PRKN: variants seen among roughly 807,000 people sequenced by gnomAD.
PRKN encodes E3 ubiquitin-protein ligase parkin.
PRKN carries 56 observed loss-of-function variants against 59.5 expected under a neutral mutation model. That is an observed-to-expected ratio of 0.94 (90% CI 0.76 to 1.18). The LOEUF is 1.18. Among genes scored for constraint, PRKN ranks in the 50% most tolerant of loss-of-function variants. PRKN has a pLI of 0.00. For missense variants in PRKN, 657 were observed against 596.4 expected (o/e 1.10, Z -1.06); for synonymous variants, 250 against 222.1 (o/e 1.13, Z -1.12).
intron 6 of PRKN, among the ~76,000 whole-genome samples, chr6:161,866,131 G>A (rs1272227054): frequency 6.6e-6 from 1 of 152,094 alleles, no homozygotes; most frequent in Non-Finnish European, 1.5e-5. Context: ...TGGAGCAGTT[G>A]GAACACACAC....
intron 7 of PRKN, among the ~76,000 whole-genome samples, chr6:161,754,828 C>T (rs574854964): frequency 2.0e-4 from 30 of 152,316 alleles, no homozygotes; most frequent in African/African-American, 7.2e-4. Context: ...TGTCGTGGTG[C>T]CAGATGATGG....
At chr6:162,239,461 A>G (rs1778893878) in intron 3 of PRKN, among the ~76,000 whole-genome samples, 1 of 152,114 alleles carries the variant, frequency 6.6e-6, no homozygotes, top group Non-Finnish European at 1.5e-5. Flanking sequence ...AGATGATTAA[A>G]TAGAGGCCCG....
At position 161,457,425 on chromosome 6, in the gene PRKN, T is replaced by C. The variant is rs1047112241; in HGVS notation, c.1084-70548A>G. On this transcript the variant is annotated intron_variant, in intron 9 of 11. Coordinates refer to ENST00000366898, the MANE Select transcript of PRKN (RefSeq NM_004562.3). The surrounding 1 kb of genome is among the most constrained non-coding windows in gnomAD (Gnocchi z 5.0). Reference sequence around the variant, plus strand: ...AAAAAGCTACTACTTTAATAGAAATTACCTCTTCTAATTGCCCTACAATGA... The same window carrying C: ...AAAAAGCTACTACTTTAATAGAAATCACCTCTTCTAATTGCCCTACAATGA... 6.6e-6 allele frequency among the ~76,000 whole-genome samples: 1 copy of C among 152,204 alleles called. No homozygotes were observed. The highest frequency in any genetic ancestry group is 1.5e-5 in the Non-Finnish European group (1 of 68,036).
At chr6:161,968,789 G>C (rs564985630) in intron 6 of PRKN, among the ~76,000 whole-genome samples, 12 of 151,982 alleles carry the variant, frequency 7.9e-5, no homozygotes, top group African/African-American at 2.9e-4. Context: ...TTAAAATAAA[G>C]ACCAAAGCAA....
chr6:161,685,957 A>G (rs914738752), intron 7 of PRKN, among the ~76,000 whole-genome samples: 3 of 152,104 alleles, frequency 2.0e-5, no homozygotes, highest in Admixed American at 6.6e-5. Flanking sequence ...TATGTTTCCA[A>G]ATCACCGATG....
rs922552316 is a variant in PRKN at position 161,550,737 on chromosome 6, A to G, written c.934-1734T>C. Among the ~76,000 whole-genome samples, 46 of 75,416 alleles carry G rather than the reference A, an allele frequency of 6.1e-4. No homozygotes were observed. Among genetic ancestry groups the G allele is most frequent in the African/African-American group, 2.2e-3 (39 of 17,918 alleles). 49.5% of individuals were successfully genotyped at this position (75,416 alleles called of 152,430 possible). A position where few individuals can be genotyped will look rare whatever the true frequency, so the allele number is the denominator to read the frequency against. Reference sequence around the variant, plus strand: ...GAAGAAAGGGTATGTGTGTGTGTGCACGTGTGTGTGTGTGTGTGTGTGTGT... The same window carrying G: ...GAAGAAAGGGTATGTGTGTGTGTGCGCGTGTGTGTGTGTGTGTGTGTGTGT... On this transcript the variant is annotated intron_variant, in intron 8 of 11. Coordinates refer to ENST00000366898, the MANE Select transcript of PRKN (RefSeq NM_004562.3). The surrounding 1 kb of genome is among the most constrained non-coding windows in gnomAD (Gnocchi z 4.0).
intron 6 of PRKN, among the ~76,000 whole-genome samples, chr6:161,794,892 AT>A (rs531368900): frequency 4.7e-5 from 7 of 149,670 alleles, no homozygotes; most frequent in East Asian, 2.0e-4. Context: ...TTAACTTAGC[AT>A]TTTTTTTTTG....
At chr6:162,338,100 C>A (rs893125294) in intron 2 of PRKN, among the ~76,000 whole-genome samples, 3 of 152,008 alleles carry the variant, frequency 2.0e-5, no homozygotes. Context: ...GACAGTGGCC[C>A]GGGAGACAGA....
At chr6:162,202,542 CAT>C (rs1446462497) in intron 3 of PRKN, among the ~76,000 whole-genome samples, 1 of 152,056 alleles carries the variant, frequency 6.6e-6, no homozygotes, top group Non-Finnish European at 1.5e-5. Context: ...AATGTAAATA[CAT>C]GTTTATATTG....
intron 3 of PRKN, among the ~76,000 whole-genome samples, chr6:162,214,327 C>T (rs2128076353): frequency 6.6e-6 from 1 of 152,172 alleles, no homozygotes; most frequent in Admixed American, 6.5e-5. Flanking sequence ...CGTGGTTTCC[C>T]TAGAGAGTCA....
chr6:161,890,549 G>A (rs530259287), intron 6 of PRKN, among the ~76,000 whole-genome samples: 287 of 152,296 alleles, frequency 1.9e-3, no homozygotes, highest in Non-Finnish European at 3.5e-3. Context: ...CCATGCGGCC[G>A]GATTTAAGCC....
Position 162,309,148 on chromosome 6 carries a change from C to T in PRKN, c.172-46383G>A, listed in dbSNP as rs144741101. Among the ~76,000 whole-genome samples, 615 of 152,014 alleles carry T rather than the reference C, an allele frequency of 4.0e-3. 5 individuals carry two copies. The highest frequency in any genetic ancestry group is 5.8e-3 in the Non-Finnish European group (396 of 67,988). ...TTTTCCTCAGAGATTGTAGCAAATC[C>T]CAACTCAAAATCTCACAAAAACAAA... On this transcript the variant is annotated intron_variant, in intron 2 of 11. Coordinates refer to ENST00000366898, the MANE Select transcript of PRKN (RefSeq NM_004562.3).
chr6:162,004,386 G>C (rs1782169274), intron 5 of PRKN, among the ~76,000 whole-genome samples: 1 of 152,132 alleles, frequency 6.6e-6, no homozygotes, highest in Admixed American at 6.6e-5. Context: ...ACAGCCTGCA[G>C]AACCATGAGC....
chr6:162,524,449 C>T (rs1778203093), intron 1 of PRKN, among the ~76,000 whole-genome samples: 1 of 152,132 alleles, frequency 6.6e-6, no homozygotes, highest in Admixed American at 6.5e-5. Flanking sequence ...GAAAATTGTT[C>T]AAGGACTAAG....
chr6:162,452,540 A>C (rs1039065416), intron 1 of PRKN, among the ~76,000 whole-genome samples: 1 of 152,134 alleles, frequency 6.6e-6, no homozygotes, highest in African/African-American at 2.4e-5. Flanking sequence ...AGAAACTAAG[A>C]AGTTAAGGAC....
chr6:162,040,589 T>TTTTTTTG, intron 5 of PRKN, among the ~76,000 whole-genome samples: 1 of 148,396 alleles, frequency 6.7e-6, no homozygotes, highest in Non-Finnish European at 1.5e-5. Context: ...TTTTTTTTTT[T>TTTTTTTG]TTGTATTTTT....
chr6:162,053,967 C>T (rs1056374403), intron 5 of PRKN, 124 bp downstream of exon 5: 5 of 794,532 alleles, frequency 6.3e-6, no homozygotes, highest in South Asian at 2.8e-5. Flanking sequence ...TATCATAACA[C>T]TTTTGGCAAA....
At chr6:161,842,751 T>C (rs1304225972) in intron 6 of PRKN, among the ~76,000 whole-genome samples, 1 of 152,058 alleles carries the variant, frequency 6.6e-6, no homozygotes, top group Non-Finnish European at 1.5e-5. Context: ...GTTTTCACTA[T>C]GTTGGCCAGA....
intron 7 of PRKN, among the ~76,000 whole-genome samples, chr6:161,629,237 A>G (rs1783205260): frequency 6.6e-6 from 1 of 152,170 alleles, no homozygotes; most frequent in Non-Finnish European, 1.5e-5. Context: ...TTTCAGAAAA[A>G]TGACTCCTGT....
Sources: gnomAD v4.1 joint callset for allele counts (sites outside exome capture counted in the v4.1 genomes callset) on GRCh38, gnomAD v4.1.1 for gene constraint, Gnocchi (gnomAD v3.1) non-coding constraint, MANE v1.5 for transcripts, NCBI Gene and HGNC (gene_info 2026-07-23, HGNC 2026-07-21) for gene names.